The following PSD2 variants were observed in gnomAD, a reference collection of about 807,000 sequenced individuals.
The protein encoded by PSD2 is PH and SEC7 domain-containing protein 2.
PSD2 carries 38 observed loss-of-function variants against 69.8 expected under a neutral mutation model. The observed-to-expected ratio is 0.54, with a 90% CI of 0.42 to 0.71. The LOEUF (loss-of-function observed/expected upper bound fraction) is 0.71, where lower values mean the gene tolerates loss of function less well. PSD2 is among the 30% of genes least tolerant of loss of function. The probability of loss-of-function intolerance (pLI) is 0.00; values close to 1 mark genes in which losing one functional copy is unlikely to be tolerated. For missense variants in PSD2, 943 were observed against 1,014.5 expected (o/e 0.93, Z 0.96); for synonymous variants, 412 against 423.0 (o/e 0.97, Z 0.32).
intron 1 of PSD2, 38 bp from the exon 2 acceptor site, chr5:139,809,353 C>T: frequency 6.7e-7 from 1 of 1,486,524 alleles, no homozygotes; most frequent in South Asian, 1.3e-5. Flanking sequence ...AGCCCCAGTC[C>T]TGTCTGACCA....
the PSD2 span, among the ~76,000 whole-genome samples, chr5:139,782,692 C>T: frequency 2.0e-5 from 3 of 151,848 alleles, no homozygotes; most frequent in East Asian, 1.9e-4. Context: ...AGGGTTTCAC[C>T]GTGTTGCCCA....
chr5:139,780,829 C>G, the PSD2 span, among the ~76,000 whole-genome samples: 1,394 of 152,294 alleles, frequency 9.2e-3, 18 homozygotes, highest in African/African-American at 0.031. Context: ...CTCATACATG[C>G]GCCATGTCCA....
chr5:139,785,736 G>T, the PSD2 span, among the ~76,000 whole-genome samples: 1 of 152,244 alleles, frequency 6.6e-6, no homozygotes, highest in Admixed American at 6.5e-5. Context: ...ATATATATTT[G>T]TTGAATGAAT....
the PSD2 span, among the ~76,000 whole-genome samples, chr5:139,751,022 G>A: frequency 6.6e-6 from 1 of 152,294 alleles, no homozygotes; most frequent in Middle Eastern, 3.4e-3. Flanking sequence ...CTCCCATGGG[G>A]ATCCTTATTC....
chr5:139,748,565 C>T, the PSD2 span, among the ~76,000 whole-genome samples: 3 of 152,254 alleles, frequency 2.0e-5, no homozygotes, highest in African/African-American at 4.8e-5. Context: ...AAACTCCCCT[C>T]CCCCGGGCGA....
chr5:139,804,109 A>G (rs1759739928), intron 1 of PSD2, among the ~76,000 whole-genome samples: 1 of 152,074 alleles, frequency 6.6e-6, no homozygotes, highest in African/African-American at 2.4e-5. Context: ...GTTTGCATTG[A>G]TCATCTCTTT....
intron 3 of PSD2, 134 bp downstream of exon 3, chr5:139,813,892 G>A (rs1369875232): frequency 2.5e-6 from 2 of 791,854 alleles, no homozygotes; most frequent in East Asian, 2.7e-5. Context: ...TCTACCCTCT[G>A]CATCCAGGCT....
Position 139,839,475 on chromosome 5 carries a change from G to T in PSD2, c.1969-552G>T, listed in dbSNP as rs1760817757. On this transcript the variant is annotated intron_variant, in intron 13 of 14. Transcript: ENST00000274710. This position sits in a 1 kb window ranked among gnomAD's most constrained non-coding sequence, Gnocchi z 5.1. ...ACACACATGCATGCATGTGCACACAGCACCAGGGGGCCTGGCTGGCCTGTA... is the reference window on the plus strand; with the variant it reads ...ACACACATGCATGCATGTGCACACATCACCAGGGGGCCTGGCTGGCCTGTA... Among the ~76,000 whole-genome samples the T allele has an allele frequency of 1.3e-5, 2 of 152,242 alleles. No individual in the cohort carries two copies. The highest frequency in any genetic ancestry group is 6.5e-5 in the Admixed American group (1 of 15,294).
the PSD2 span, among the ~76,000 whole-genome samples, chr5:139,753,617 C>G: frequency 6.6e-6 from 1 of 152,172 alleles, no homozygotes; most frequent in Admixed American, 6.5e-5. Context: ...CTATTTCATC[C>G]TCCCAGAAGC....
intron 8 of PSD2, among the ~76,000 whole-genome samples, chr5:139,834,486 G>A (rs533204948): frequency 1.3e-5 from 2 of 149,648 alleles, no homozygotes; most frequent in Admixed American, 6.6e-5. Context: ...TTTTTATAGA[G>A]CTGGGGATCT....
At chr5:139,768,729 A>G in the PSD2 span, among the ~76,000 whole-genome samples, 1 of 151,832 alleles carries the variant, frequency 6.6e-6, no homozygotes, top group Non-Finnish European at 1.5e-5. Flanking sequence ...ATCTAAAAAA[A>G]AAAAAAAAAC....
At chr5:139,818,974 A>G (rs1760190552) in intron 5 of PSD2, among the ~76,000 whole-genome samples, 1 of 152,036 alleles carries the variant, frequency 6.6e-6, no homozygotes, top group Non-Finnish European at 1.5e-5. Flanking sequence ...TTTTGAACAT[A>G]TTAGTTGTAA....
chr5:139,833,888 G>A (rs201133332), intron 8 of PSD2, 97 bp downstream of exon 8: 67 of 913,990 alleles, frequency 7.3e-5, no homozygotes, highest in Admixed American at 3.6e-4. Flanking sequence ...ATTCCAGGCC[G>A]TTAACACAGG....
At chr5:139,753,759 C>G in the PSD2 span, among the ~76,000 whole-genome samples, 2 of 152,158 alleles carry the variant, frequency 1.3e-5, no homozygotes, top group Non-Finnish European at 2.9e-5. Flanking sequence ...GCATGTGGAG[C>G]TGCTTTTTGG....
At position 139,837,564 on chromosome 5, in the gene PSD2, G is replaced by T. The variant is rs1017614097; in HGVS notation, c.1666-61G>T. ...GTAGGGTTAGACAGAGAGCAGTGAGGGGAGGGGAGAGTGGAAGGTGTGGGT... is the reference window on the plus strand; with the variant it reads ...GTAGGGTTAGACAGAGAGCAGTGAGTGGAGGGGAGAGTGGAAGGTGTGGGT... On this transcript the variant is annotated intron_variant, in intron 11 of 14. Coordinates refer to ENST00000274710, the MANE Select transcript of PSD2 (RefSeq NM_032289.4). This position sits in a 1 kb window ranked among gnomAD's most constrained non-coding sequence, Gnocchi z 5.0. 1.0e-5 allele frequency: 15 copies of T among 1,504,832 alleles called. No homozygotes were observed. In the Middle Eastern group the frequency reaches 5.4e-4, roughly 54 times the overall value. 93.2% of individuals were successfully genotyped at this position (1,504,832 alleles called of 1,614,324 possible). A position where few individuals can be genotyped will look rare whatever the true frequency, so the allele number is the denominator to read the frequency against.
chr5:139,748,752 C>CAA, the PSD2 span, among the ~76,000 whole-genome samples: 1 of 152,382 alleles, frequency 6.6e-6, no homozygotes, highest in East Asian at 1.9e-4. Flanking sequence ...GCTCGTCTGT[C>CAA]TCGGCTCCGC....
chr5:139,761,092 C>G, the PSD2 span, among the ~76,000 whole-genome samples: 1 of 152,154 alleles, frequency 6.6e-6, no homozygotes, highest in African/African-American at 2.4e-5. Context: ...AGAAGAAAGA[C>G]TCAGGGGCAA....
At chr5:139,766,265 G>T in the PSD2 span, among the ~76,000 whole-genome samples, 4 of 152,188 alleles carry the variant, frequency 2.6e-5, no homozygotes, top group African/African-American at 9.7e-5. Context: ...GTGGCAGTAG[G>T]GTGAGGCCTC....
rs140952984 is a variant in PSD2, at chr5:139,833,132, A to G, written c.1270-570A>G. Among the ~76,000 whole-genome samples, 852 of 152,238 alleles carry G rather than the reference A, an allele frequency of 5.6e-3. 8 individuals are homozygous for G. Among genetic ancestry groups the G allele is most frequent in the African/African-American group, 0.019 (801 of 41,524 alleles). On this transcript the variant is annotated intron_variant, in intron 7 of 14. Coordinates refer to ENST00000274710, the MANE Select transcript of PSD2 (RefSeq NM_032289.4). ...GAGGGCGAGACAGTTGTGGCAGAAT[A>G]TGCAGAGCTTCTGCTCAGAAGCCAA...
Sources: gnomAD v4.1 joint callset for allele counts (sites outside exome capture counted in the v4.1 genomes callset) on GRCh38, gnomAD v4.1.1 for gene constraint, Gnocchi (gnomAD v3.1) non-coding constraint, MANE v1.5 for transcripts, NCBI Gene and HGNC (gene_info 2026-07-23, HGNC 2026-07-21) for gene names.